ALG9: variants seen among roughly 807,000 people sequenced by gnomAD.
The protein encoded by ALG9 is ALG9 alpha-1,2-mannosyltransferase, also known as alpha-1,2-mannosyltransferase ALG9.
Under a neutral mutation model 81.8 loss-of-function variants are expected in ALG9, and 55 were observed. That is an observed-to-expected ratio of 0.67 (90% CI 0.54 to 0.84). ALG9 has a LOEUF of 0.84. ALG9 is among the 40% of genes least tolerant of loss of function. The pLI is 0.00. For missense variants in ALG9, 629 were observed against 745.0 expected (o/e 0.84, Z 1.81); for synonymous variants, 278 against 274.3 (o/e 1.01, Z -0.13).
chr11:111,824,607 A>C (rs1952927508), intron 13 of ALG9, among the ~76,000 whole-genome samples: 1 of 152,262 alleles, frequency 6.6e-6, no homozygotes, highest in African/African-American at 2.4e-5. Flanking sequence ...AATTATCCAG[A>C]GTTGGCAAAA....
rs138707354 is a variant in ALG9, at chr11:111,815,242, ATTT to A, written c.1603-5472_1603-5470del. 9.3e-3 allele frequency among the ~76,000 whole-genome samples: 1,412 copies of A among 152,158 alleles called. 19 individuals are homozygous for A. The highest frequency in any genetic ancestry group is 0.014 in the Non-Finnish European group (971 of 67,992). ...AGTGACAGCTCGTCTCTACAAAAAAATTTTTTTTAAAAATTGGCTCAGTGTGGT... is the reference window on the plus strand; with the variant it reads ...AGTGACAGCTCGTCTCTACAAAAAAATTTTTAAAAATTGGCTCAGTGTGGT... On this transcript the variant is annotated intron_variant, in intron 13 of 14. Transcript: ENST00000616540.
intron 8 of ALG9, among the ~76,000 whole-genome samples, chr11:111,847,218 G>C (rs1957072845): frequency 6.6e-6 from 1 of 151,686 alleles, no homozygotes; most frequent in African/African-American, 2.4e-5. Context: ...AAAGGCTCTA[G>C]AACAGTTCTG....
At chr11:111,853,093 A>G (rs200954999) in intron 8 of ALG9, among the ~76,000 whole-genome samples, 1 of 146,604 alleles carries the variant, frequency 6.8e-6, no homozygotes, top group African/African-American at 2.5e-5. Flanking sequence ...AAAAAAAAAA[A>G]GCATCAAAAG....
intron 14 of ALG9, among the ~76,000 whole-genome samples, chr11:111,799,272 G>A (rs1555078338): frequency 2.6e-5 from 4 of 152,060 alleles, no homozygotes; most frequent in African/African-American, 7.2e-5. Flanking sequence ...TCAGCCTCCC[G>A]AGTAGCTGGG....
chr11:111,802,398 T>C (rs1330558489), intron 14 of ALG9, among the ~76,000 whole-genome samples: 1 of 152,098 alleles, frequency 6.6e-6, no homozygotes, highest in Non-Finnish European at 1.5e-5. Context: ...TGAATGAACC[T>C]CAAAAACAGG....
chr11:111,865,190 T>C lies in ALG9; in HGVS notation c.467A>G (p.Tyr156Cys). Residue 156 changes from tyrosine (Y) to cysteine (C), a missense_variant, in exon 4 of 15, where the codon TAC becomes TGC. Transcript: ENST00000616540. ...AAGTTTTTATACTCACTTGTAAAAG[T>C]AAAGTTCACAAATACAGCTCACAAA... ...LAFVSCICEL[Y>C]FYKAVCKKFG... 1 of 1,546,094 alleles carries C rather than the reference T, an allele frequency of 6.5e-7. No individual in the cohort carries two copies. Among genetic ancestry groups the C allele is most frequent in the Non-Finnish European group, 8.7e-7 (1 of 1,145,926 alleles).
intron 1 of ALG9, chr11:111,870,688 C>T (rs1964042609): frequency 2.5e-5 from 24 of 978,404 alleles, no homozygotes; most frequent in Non-Finnish European, 3.0e-5. Context: ...CCTTCCACTT[C>T]CTGCTTTTAA....
chr11:111,861,146 G>C (rs1450569621), intron 4 of ALG9, among the ~76,000 whole-genome samples: 1 of 152,200 alleles, frequency 6.6e-6, no homozygotes, highest in Non-Finnish European at 1.5e-5. Flanking sequence ...CTAGGAGATA[G>C]ATGAAAATGT....
chr11:111,855,406 G>A (rs1592321243), intron 6 of ALG9, among the ~76,000 whole-genome samples: 1 of 152,198 alleles, frequency 6.6e-6, no homozygotes, highest in African/African-American at 2.4e-5. Flanking sequence ...GGAGTTTGGA[G>A]AGCTGATTTA....
At chr11:111,854,308 C>G (rs1289370249) in intron 6 of ALG9, among the ~76,000 whole-genome samples, 1 of 140,562 alleles carries the variant, frequency 7.1e-6, no homozygotes, top group Non-Finnish European at 1.5e-5. Flanking sequence ...CTCACTCTGT[C>G]GCCCAGGCTG....
chr11:111,838,835 T>C (rs1555120545), intron 10 of ALG9, among the ~76,000 whole-genome samples: 2 of 152,316 alleles, frequency 1.3e-5, no homozygotes, highest in African/African-American at 2.4e-5. Flanking sequence ...ATTCCCCTTA[T>C]AGAACACTAG....
downstream of ALG9, among the ~76,000 whole-genome samples, chr11:111,779,779 A>G (rs1198033781): frequency 6.6e-6 from 1 of 152,222 alleles, no homozygotes; most frequent in East Asian, 1.9e-4. Context: ...AAAAAGGGAA[A>G]AAAAAGCTCA....
At chr11:111,833,155 C>A (rs1954674779) in intron 13 of ALG9, among the ~76,000 whole-genome samples, 1 of 152,140 alleles carries the variant, frequency 6.6e-6, no homozygotes, top group Admixed American at 6.5e-5. Context: ...AAGGTTTCAT[C>A]CATTGACTAG....
intron 13 of ALG9, among the ~76,000 whole-genome samples, chr11:111,832,459 T>C (rs569193737): frequency 6.6e-6 from 1 of 152,060 alleles, no homozygotes; most frequent in South Asian, 2.1e-4. Context: ...TTTTTTTTAT[T>C]GTAGAGACTG....
rs2137202445 is a variant in ALG9 at position 111,864,216 on chromosome 11, C to T, written c.476+965G>A. On this transcript the variant is annotated intron_variant, in intron 4 of 14. Transcript: ENST00000616540. Reference sequence around the variant, plus strand: ...CAGTCAGGCCCCGCTGACCCACGACCCACCAACCCACGAACTGGCCCGGCC... The same window carrying T: ...CAGTCAGGCCCCGCTGACCCACGACTCACCAACCCACGAACTGGCCCGGCC... 6 of 717,978 alleles carry T rather than the reference C, an allele frequency of 8.4e-6. No homozygotes were observed. The South Asian group carries it at 8.8e-5, about 11-fold the overall frequency. The allele number at this position is 717,978 out of a possible 1,614,324, so 44.5% of individuals were successfully genotyped here.
At chr11:111,861,308 T>C (rs1183126726) in intron 4 of ALG9, among the ~76,000 whole-genome samples, 2 of 152,264 alleles carry the variant, frequency 1.3e-5, no homozygotes, top group Admixed American at 6.5e-5. Flanking sequence ...ACCCACGTGT[T>C]CATCATTTCC....
chr11:111,842,403 T>C (rs1956350828), intron 9 of ALG9, among the ~76,000 whole-genome samples: 2 of 152,002 alleles, frequency 1.3e-5, no homozygotes, highest in Non-Finnish European at 2.9e-5. Context: ...TGCTTCTTAA[T>C]AATTTTCTAT....
At chr11:111,856,623 T>TA (rs1191622873) in intron 6 of ALG9, among the ~76,000 whole-genome samples, 3 of 150,470 alleles carry the variant, frequency 2.0e-5, no homozygotes, top group African/African-American at 7.3e-5. Flanking sequence ...ATCTGGTACT[T>TA]ACTTTTTTTT....
In ALG9 at chr11:111,786,350, A is replaced by C; in HGVS notation, c.*47T>G. 1 of 1,612,290 alleles carries C rather than the reference A, an allele frequency of 6.2e-7. No homozygotes were observed. ...ACTTGCAGGGAGTCAGGTCACTGGA[A>C]TCAATAGTTAACAAGATGGTTGTCC... On this transcript the variant is annotated 3_prime_UTR_variant, in exon 15 of 15. Coordinates refer to ENST00000616540, the MANE Select transcript of ALG9 (RefSeq NM_024740.2).
Sources: allele counts gnomAD v4.1 joint callset (sites outside exome capture counted in the v4.1 genomes callset), GRCh38; gene constraint gnomAD v4.1.1; transcripts MANE v1.5; gene names NCBI Gene and HGNC (gene_info 2026-07-23, HGNC 2026-07-21).